The following LDLRAD4 variants were observed in gnomAD, a reference collection of about 807,000 sequenced individuals.
LDLRAD4 encodes low density lipoprotein receptor class A domain containing 4, also known as low-density lipoprotein receptor class A domain-containing protein 4.
LDLRAD4 carries 5 observed loss-of-function variants against 17.0 expected under a neutral mutation model. That is an observed-to-expected ratio of 0.29 (90% CI 0.15 to 0.62). The LOEUF is 0.62. Among genes scored for constraint, LDLRAD4 ranks in the 20% least tolerant of loss-of-function variants. The probability of loss-of-function intolerance (pLI) is 0.84; values close to 1 mark genes in which losing one functional copy is unlikely to be tolerated. For missense variants in LDLRAD4, 340 were observed against 424.7 expected, an observed-to-expected ratio of 0.80 and a Z score of 1.75; for synonymous variants, 168 against 171.8, an observed-to-expected ratio of 0.98 and a Z score of 0.17.
At chr18:13,336,515 A>C (rs1394359091) in intron 1 of LDLRAD4, among the ~76,000 whole-genome samples, 1 of 151,906 alleles carries the variant, frequency 6.6e-6, no homozygotes, top group Non-Finnish European at 1.5e-5. Flanking sequence ...ATTCATCCAA[A>C]CCTATCATTT....
intron 1 of LDLRAD4, among the ~76,000 whole-genome samples, chr18:13,224,021 C>G (rs2041612682): frequency 6.6e-6 from 1 of 152,202 alleles, no homozygotes; most frequent in East Asian, 1.9e-4. Context: ...CCCACTGGGA[C>G]TCTATCCAGC....
chr18:13,512,403 G>A (rs2093796283), intron 3 of LDLRAD4, among the ~76,000 whole-genome samples: 1 of 152,212 alleles, frequency 6.6e-6, no homozygotes. Context: ...ATCCCTTGTG[G>A]TTTTGTGAGG....
rs139302847 is a variant in LDLRAD4 at position 13,621,214 on chromosome 18, G to A, written c.279G>A (p.Thr93=). ...TGCTGAACCACTACAAAGTCTCCAC[G>A]CGGTCCTTCATCAACCGCCCGAACC... is the stretch of plus-strand genomic sequence containing the variant. Residue 93 remains threonine (T), a synonymous_variant, in exon 4 of 6, where the codon ACG becomes ACA. Transcript: ENST00000359446. The surrounding 1 kb of genome is among the most constrained non-coding windows in gnomAD (Gnocchi z 5.5). 14 of 1,613,944 alleles carry A rather than the reference G, an allele frequency of 8.7e-6. No individual in the cohort carries two copies. Among genetic ancestry groups the A allele is most frequent in the Admixed American group, 1.7e-5 (1 of 60,014 alleles).
intron 2 of LDLRAD4, among the ~76,000 whole-genome samples, chr18:13,424,902 G>A (rs1182857261): frequency 6.6e-6 from 1 of 152,202 alleles, no homozygotes; most frequent in African/African-American, 2.4e-5. Flanking sequence ...CGTATGCCTC[G>A]CTAATACGGA....
chr18:13,306,560 C>T (rs1275687675), intron 1 of LDLRAD4, among the ~76,000 whole-genome samples: 1 of 152,128 alleles, frequency 6.6e-6, no homozygotes, highest in African/African-American at 2.4e-5. Flanking sequence ...CTTTAAGGCT[C>T]ATTACACACG....
rs533054677 is a variant in LDLRAD4 at position 13,551,819 on chromosome 18, T to A, written c.182-69298T>A. On this transcript the variant is annotated intron_variant, in intron 3 of 5. Transcript: ENST00000359446. ...GGAATACCTGAGGTTGGGTAATTTATAAAGAAAAGAGGTTTATTGGGCTCA... is the reference window on the plus strand; with the variant it reads ...GGAATACCTGAGGTTGGGTAATTTAAAAAGAAAAGAGGTTTATTGGGCTCA... Among the ~76,000 whole-genome samples, 352 of 152,234 alleles carry A rather than the reference T, an allele frequency of 2.3e-3. 1 individual carries two copies. Among genetic ancestry groups the A allele is most frequent in the African/African-American group, 8.0e-3 (334 of 41,530 alleles).
intron 3 of LDLRAD4, chr18:13,620,865 G>C (rs1015779032): frequency 1.8e-6 from 1 of 547,822 alleles, no homozygotes; most frequent in Non-Finnish European, 3.3e-6. Context: ...TTGTGGAGAC[G>C]TTCTCAGCTC....
intron 3 of LDLRAD4, among the ~76,000 whole-genome samples, chr18:13,463,533 T>G (rs956314115): frequency 1.3e-5 from 2 of 152,246 alleles, no homozygotes; most frequent in Non-Finnish European, 2.9e-5. Context: ...TCTCCCAAAT[T>G]GTCATTTTTT....
intron 3 of LDLRAD4, chr18:13,561,602 C>T (rs1036088539): frequency 5.3e-5 from 8 of 152,212 alleles, no homozygotes; most frequent in African/African-American, 1.7e-4. Context: ...TCCTGATTAT[C>T]GTTCAAGAAA....
intron 3 of LDLRAD4, among the ~76,000 whole-genome samples, chr18:13,574,504 G>A (rs1303124614): frequency 2.0e-5 from 3 of 152,178 alleles, no homozygotes; most frequent in African/African-American, 7.2e-5. Flanking sequence ...CCTAGCACCT[G>A]CTATTTAAGA....
intron 1 of LDLRAD4, among the ~76,000 whole-genome samples, chr18:13,244,447 T>C (rs1168767700): frequency 2.6e-5 from 4 of 152,156 alleles, no homozygotes; most frequent in Non-Finnish European, 5.9e-5. Context: ...ACCATCAACC[T>C]TCCTATTGAT....
At chr18:13,312,778 T>A (rs1432997946) in intron 1 of LDLRAD4, among the ~76,000 whole-genome samples, 4 of 152,046 alleles carry the variant, frequency 2.6e-5, no homozygotes, top group African/African-American at 7.2e-5. Flanking sequence ...CACACAAAAC[T>A]GAGTTCAAGG....
chr18:13,421,423 G>T (rs1207035929), intron 2 of LDLRAD4, among the ~76,000 whole-genome samples: 1 of 152,136 alleles, frequency 6.6e-6, no homozygotes. Flanking sequence ...CATGCAGGGT[G>T]GCCTCCCAGC....
At chr18:13,305,347 C>T (rs1246876904) in intron 1 of LDLRAD4, among the ~76,000 whole-genome samples, 1 of 152,200 alleles carries the variant, frequency 6.6e-6, no homozygotes, top group Non-Finnish European at 1.5e-5. Flanking sequence ...CATTGCTATA[C>T]TACTGTAATA....
intron 1 of LDLRAD4, among the ~76,000 whole-genome samples, chr18:13,355,981 C>T (rs2083313040): frequency 6.6e-6 from 1 of 152,194 alleles, no homozygotes; most frequent in Non-Finnish European, 1.5e-5. Flanking sequence ...GATCGCAATC[C>T]AGTTGCAGTG....
chr18:13,442,619 C>T (rs1012836613), intron 3 of LDLRAD4, among the ~76,000 whole-genome samples: 5 of 152,204 alleles, frequency 3.3e-5, no homozygotes, highest in African/African-American at 1.2e-4. Context: ...CGGCCGGCTG[C>T]GGGGAGCCTG....
At chr18:13,361,163 C>T (rs1030250430) in intron 1 of LDLRAD4, among the ~76,000 whole-genome samples, 5 of 152,110 alleles carry the variant, frequency 3.3e-5, no homozygotes, top group East Asian at 1.9e-4. Flanking sequence ...CTACAAGCTC[C>T]GCCTCCTGGG....
intron 1 of LDLRAD4, among the ~76,000 whole-genome samples, chr18:13,343,496 G>T (rs1330304585): frequency 8.6e-5 from 13 of 152,022 alleles, no homozygotes; most frequent in Admixed American, 8.5e-4. Flanking sequence ...TGGACATTTG[G>T]GTTGGTTCTA....
intron 1 of LDLRAD4, among the ~76,000 whole-genome samples, chr18:13,310,780 A>G (rs1220828328): frequency 6.6e-6 from 1 of 152,218 alleles, no homozygotes; most frequent in African/African-American, 2.4e-5. Context: ...CATTTACTGT[A>G]GATCATCTGA....
Sources: gnomAD v4.1 joint callset for allele counts (sites outside exome capture counted in the v4.1 genomes callset) on GRCh38, gnomAD v4.1.1 for gene constraint, Gnocchi (gnomAD v3.1) non-coding constraint, MANE v1.5 for transcripts, NCBI Gene and HGNC (gene_info 2026-07-23, HGNC 2026-07-21) for gene names.